Variants in SCAP observed in about 807,000 individuals in gnomAD.
SCAP encodes the protein sterol regulatory element-binding protein cleavage-activating protein.
SCAP carries 65 observed loss-of-function variants against 123.6 expected under a neutral mutation model. The ratio of observed to expected loss-of-function variants is 0.53; its 90% confidence interval spans 0.43 to 0.65. SCAP has a LOEUF of 0.65. Among genes scored for constraint, SCAP ranks in the 30% least tolerant of loss-of-function variants. The pLI is 0.00. For synonymous variants in SCAP, 740 were observed against 726.3 expected, an observed-to-expected ratio of 1.02 and a Z score of -0.30; for missense variants, 1,398 against 1,712.5, an observed-to-expected ratio of 0.82 and a Z score of 3.24.
chr3:47,452,443 A>G (rs767510530), intron 1 of SCAP, among the ~76,000 whole-genome samples: 3 of 152,224 alleles, frequency 2.0e-5, no homozygotes, highest in Non-Finnish European at 2.9e-5. Flanking sequence ...TGCTCAGTAC[A>G]TATCTTCTCA....
chr3:47,447,099 C>CT (rs1165641084), intron 1 of SCAP, among the ~76,000 whole-genome samples: 3 of 152,194 alleles, frequency 2.0e-5, no homozygotes, highest in Admixed American at 1.3e-4. Context: ...TGCTTGGCAT[C>CT]TTTGTCAAAA....
At position 47,417,668 on chromosome 3, in the gene SCAP, TCCCCG is replaced by T; in HGVS notation, c.2601_2605del (p.Phe867LeufsTer4). The T allele has an allele frequency of 6.2e-7, 1 of 1,607,650 alleles. No homozygotes were observed. The highest frequency in any genetic ancestry group is 8.5e-7 in the Non-Finnish European group (1 of 1,178,278). ...AATTAAGCAGGTGAGGTCAGGCTGG[TCCCCG>T]AAGAGGGAAGGCGGCGGAGGGCCCC... On this transcript the variant is annotated frameshift_variant, in exon 17 of 23. Transcript: ENST00000265565. LOFTEE classifies it high-confidence loss of function.
In SCAP at chr3:47,417,130, CAAG is replaced by C; in HGVS notation, c.3045_3047del (p.Phe1015del). ...AGGCAGGCCACGCTCACCTTTTGTC[CAAG>C]AACACCAGAGCGGTAATGCCTGAGG... On this transcript the variant is annotated inframe_deletion, in exon 18 of 23. Transcript: ENST00000265565. The C allele has an allele frequency of 1.2e-6, 2 of 1,613,048 alleles. No homozygotes were observed. The highest frequency in any genetic ancestry group is 1.3e-5 in the African/African-American group (1 of 75,050).
Position 47,417,210 on chromosome 3 carries a change from A to C in SCAP, c.2971-3T>G. ...ACCCCTTCAATGGCGTCCCACACCT[A>C]CGAGTCCAGAGGCTGTGAGCACCTG... On this transcript the variant is annotated splice_region_variant and splice_polypyrimidine_tract_variant and intron_variant, in intron 17 of 22. Transcript: ENST00000265565. 1 of 1,612,846 alleles carries C rather than the reference A, an allele frequency of 6.2e-7. No homozygotes were observed. Among genetic ancestry groups the C allele is most frequent in the Non-Finnish European group, 8.5e-7 (1 of 1,179,942 alleles).
chr3:47,421,616 C>G (rs961939076), intron 10 of SCAP, among the ~76,000 whole-genome samples: 5 of 152,382 alleles, frequency 3.3e-5, no homozygotes, highest in African/African-American at 4.8e-5. Context: ...CTACTCCGAT[C>G]TGGGGTAAGA....
intron 4 of SCAP, 97 bp from the exon 5 acceptor site, chr3:47,427,764 C>T: frequency 9.4e-7 from 1 of 1,069,400 alleles, no homozygotes; most frequent in Non-Finnish European, 1.3e-6. Flanking sequence ...TTCAATGCCC[C>T]ATATTTGCTC....
chr3:47,428,071 A>G (rs996331215), intron 4 of SCAP, among the ~76,000 whole-genome samples: 1 of 152,138 alleles, frequency 6.6e-6, no homozygotes, highest in Non-Finnish European at 1.5e-5. Context: ...CAGCTTGCCA[A>G]TTACACACAT....
At chr3:47,451,863 G>A (rs1707241320) in intron 1 of SCAP, among the ~76,000 whole-genome samples, 1 of 63,710 alleles carries the variant, frequency 1.6e-5, no homozygotes, top group African/African-American at 4.5e-5. Context: ...ACCCACCCCG[G>A]TCCTCTGCAA....
In SCAP at chr3:47,413,830, T is replaced by G. The variant is rs374695635; in HGVS notation, c.*24A>C. The G allele has an allele frequency of 6.2e-7, 1 of 1,604,680 alleles. No individual in the cohort carries two copies. Among genetic ancestry groups the G allele is most frequent in the Non-Finnish European group, 8.5e-7 (1 of 1,174,584 alleles). On this transcript the variant is annotated 3_prime_UTR_variant, in exon 23 of 23. Coordinates refer to ENST00000265565, the MANE Select transcript of SCAP (RefSeq NM_012235.4). ...GCCCCCACACAGCACCCCAGCCTCC[T>G]GCCTGGGCAAGGAGGCCCTGCGCTC... is the stretch of plus-strand genomic sequence containing the variant.
At position 47,417,687 on chromosome 3, in the gene SCAP, G is replaced by A; in HGVS notation, c.2587C>T (p.Pro863Ser). ...PLRHRPRGPP[P>S]PSLFGDQPDL... ...GGCTGGTCCCCGAAGAGGGAAGGCGGCGGAGGGCCCCGGGGGCGGTGTCTC... is the reference window on the plus strand; with the variant it reads ...GGCTGGTCCCCGAAGAGGGAAGGCGACGGAGGGCCCCGGGGGCGGTGTCTC... Residue 863 changes from proline to serine, a missense_variant, in exon 17 of 23, where the codon CCG becomes TCG. Around this residue, in one of 7 missense-constraint regions of SCAP, gnomAD observed 828 missense variants for 882.5 expected, o/e 0.94. Transcript: ENST00000265565. 6.2e-7 allele frequency: 1 copy of A among 1,608,432 alleles called. No homozygotes were observed. Among genetic ancestry groups the A allele is most frequent in the Non-Finnish European group, 8.5e-7 (1 of 1,178,592 alleles).
chr3:47,429,729 T>TA (rs1424589172), intron 3 of SCAP, among the ~76,000 whole-genome samples: 1 of 152,240 alleles, frequency 6.6e-6, no homozygotes, highest in African/African-American at 2.4e-5. Flanking sequence ...GCCACACCCC[T>TA]ACCATTACTA....
intron 9 of SCAP, chr3:47,422,863 A>G: frequency 4.5e-6 from 1 of 222,550 alleles, no homozygotes. Context: ...CAACAACCAC[A>G]TCCAACCTCC....
chr3:47,417,340 G>T lies in SCAP; in HGVS notation c.2934C>A (p.Asn978Lys). The T allele has an allele frequency of 6.2e-7, 1 of 1,611,782 alleles. No individual in the cohort carries two copies. The highest frequency in any genetic ancestry group is 1.7e-5 in the Admixed American group (1 of 59,918). The change falls in exon 17 of 23, where the codon AAC becomes AAA. Residue 978 changes from asparagine to lysine, a missense_variant. Around this residue, in one of 7 missense-constraint regions of SCAP, gnomAD observed 828 missense variants for 882.5 expected, o/e 0.94. Coordinates refer to ENST00000265565, the MANE Select transcript of SCAP (RefSeq NM_012235.4). The part of the protein sequence containing the change: ...GSIWSLELQG[N>K]LIVVGRSSGR... ...CGCTGCTCCGCCCCACCACGATGAG[G>T]TTGCCCTGCAGCTCCAAGCTCCAGA...
In SCAP at chr3:47,413,772, G is replaced by C; in HGVS notation, c.*82C>G. ...GGAGGCAGCGGCTGGAAGATACTCG[G>C]CTCTTTCCCCCAAGTCCAGGTTCAG... On this transcript the variant is annotated 3_prime_UTR_variant, in exon 23 of 23. Coordinates refer to ENST00000265565, the MANE Select transcript of SCAP (RefSeq NM_012235.4). 6.6e-7 allele frequency: 1 copy of C among 1,521,656 alleles called. No homozygotes were observed. Among genetic ancestry groups the C allele is most frequent in the East Asian group, 2.3e-5 (1 of 43,986 alleles). The allele number at this position is 1,521,656 out of a possible 1,614,324, so 94.3% of individuals were successfully genotyped here.
In SCAP at chr3:47,419,394, C is replaced by T. The variant is rs1459170146; in HGVS notation, c.1874G>A (p.Trp625Ter). ...CCAGTGGCGGAAGGACAATTTCCTCCAAAGTTCCTCATCCTCAGGCCCCCA... is the reference window on the plus strand; with the variant it reads ...CCAGTGGCGGAAGGACAATTTCCTCTAAAGTTCCTCATCCTCAGGCCCCCA... ...VTWGPEDEEL[W>*]RKLSFRHWPT... Residue 625 changes from tryptophan (W) to a stop codon, truncating the protein, a stop_gained, in exon 13 of 23, where the codon TGG becomes TAG. Coordinates refer to ENST00000265565, the MANE Select transcript of SCAP (RefSeq NM_012235.4). LOFTEE classifies it high-confidence loss of function. This position sits in a 1 kb window ranked among gnomAD's most constrained non-coding sequence, Gnocchi z 5.0. 6.2e-7 allele frequency: 1 copy of T among 1,611,298 alleles called. No homozygotes were observed. The highest frequency in any genetic ancestry group is 1.3e-5 in the African/African-American group (1 of 74,092).
rs1046786791 is a variant in SCAP at position 47,439,482 on chromosome 3, C to T, written c.122+3390G>A. Among the ~76,000 whole-genome samples the T allele has an allele frequency of 6.6e-6, 1 of 152,182 alleles. No individual in the cohort carries two copies. Among genetic ancestry groups the T allele is most frequent in the Non-Finnish European group, 1.5e-5 (1 of 68,012 alleles). The stretch of plus-strand genomic sequence containing the variant: ...ATCCACCTCTCACCATGAGCAGCAG[C>T]TTGTTGAATCAAATGTCTCAATGAT... On this transcript the variant is annotated intron_variant, in intron 2 of 22. Coordinates refer to ENST00000265565, the MANE Select transcript of SCAP (RefSeq NM_012235.4). This position sits in a 1 kb window ranked among gnomAD's most constrained non-coding sequence, Gnocchi z 4.0.
At chr3:47,450,511 G>GTT (rs572545256) in intron 1 of SCAP, among the ~76,000 whole-genome samples, 12 of 105,420 alleles carry the variant, frequency 1.1e-4, no homozygotes, top group African/African-American at 3.3e-4. Context: ...TATATGCAGG[G>GTT]TTTTTTTTTT....
intron 1 of SCAP, among the ~76,000 whole-genome samples, chr3:47,446,558 T>C (rs1210031777): frequency 1.3e-5 from 2 of 152,040 alleles, no homozygotes; most frequent in Non-Finnish European, 2.9e-5. Flanking sequence ...TTCTTTTGAG[T>C]ATATTCATTC....
chr3:47,418,677 G>A lies in SCAP; in HGVS notation c.2107C>T (p.His703Tyr). ...TACTTGTACAGCGTGACGTCTCCAT[G>A]GGCCTGCACCCCACCTGGGCCCTTG... ...GPKGPGGVQA[H>Y]GDVTLYKVAA... The change falls in exon 14 of 23, where the codon CAT becomes TAT. Residue 703 changes from histidine to tyrosine, a missense_variant. Coordinates refer to ENST00000265565, the MANE Select transcript of SCAP (RefSeq NM_012235.4). The A allele has an allele frequency of 6.7e-7, 1 of 1,502,252 alleles. No homozygotes were observed. The highest frequency in any genetic ancestry group is 8.9e-7 in the Non-Finnish European group (1 of 1,118,900). 93.1% of individuals were successfully genotyped at this position (1,502,252 alleles called of 1,614,324 possible).
Sources: allele counts gnomAD v4.1 joint callset (sites outside exome capture counted in the v4.1 genomes callset), GRCh38; gene constraint gnomAD v4.1.1; regional missense constraint gnomAD v4.1.1; non-coding constraint Gnocchi (gnomAD v3.1); transcripts MANE v1.5; gene names NCBI Gene and HGNC (gene_info 2026-07-23, HGNC 2026-07-21).